APP: variants seen among roughly 807,000 people sequenced by gnomAD.
APP encodes amyloid beta precursor protein, also known as amyloid-beta precursor protein.
Under a neutral mutation model 101.4 loss-of-function variants are expected in APP, and 31 were observed. That is an observed-to-expected ratio of 0.31 (90% CI 0.23 to 0.41). The LOEUF (loss-of-function observed/expected upper bound fraction) is 0.41. Ranked by LOEUF, APP falls within the 10% of genes least tolerant of loss-of-function variation. The pLI, the probability that APP is intolerant of heterozygous loss-of-function variation, is 1.00. For synonymous variants in APP, 366 were observed against 364.4 expected, an observed-to-expected ratio of 1.00 and a Z score of -0.05; for missense variants, 839 against 1,003.7, an observed-to-expected ratio of 0.84 and a Z score of 2.22.
chr21:26,127,423 A>G (rs1350621506), intron 1 of APP, among the ~76,000 whole-genome samples: 1 of 152,236 alleles, frequency 6.6e-6, no homozygotes, highest in Admixed American at 6.5e-5. Flanking sequence ...CTCTACTGGA[A>G]TAACAAATAT....
chr21:25,893,904 G>A (rs2037857365), intron 16 of APP, among the ~76,000 whole-genome samples: 4 of 152,190 alleles, frequency 2.6e-5, no homozygotes, highest in Admixed American at 2.6e-4. Context: ...CTAGAGAGAA[G>A]TCCTGCCTTC....
At chr21:25,904,085 T>C (rs1406589441) in intron 15 of APP, among the ~76,000 whole-genome samples, 1 of 152,218 alleles carries the variant, frequency 6.6e-6, no homozygotes, top group East Asian at 1.9e-4. Flanking sequence ...TCCCTGTTCT[T>C]TGACTATCGC....
At chr21:25,906,834 ACGCGTAC>A (rs1426160444) in intron 14 of APP, among the ~76,000 whole-genome samples, 1 of 151,776 alleles carries the variant, frequency 6.6e-6, no homozygotes, top group Non-Finnish European at 1.5e-5. Context: ...ACGAGGGCAA[ACGCGTAC>A]CTTGAAGTGG....
chr21:26,035,428 C>T lies in APP; in HGVS notation c.663-13386G>A, dbSNP rs114124673. 3.1e-3 allele frequency among the ~76,000 whole-genome samples: 466 copies of T among 151,918 alleles called. 3 individuals carry two copies. The highest frequency in any genetic ancestry group is 0.01 in the African/African-American group (426 of 41,424). The stretch of plus-strand genomic sequence containing the variant: ...TGTGTGACACTGAGCAGGGGAGAGT[C>T]GGGGGAAAGAGAGGCATGGGGTGAT... On this transcript the variant is annotated intron_variant, in intron 5 of 17. Coordinates refer to ENST00000346798, the MANE Select transcript of APP (RefSeq NM_000484.4).
At chr21:25,994,625 G>A (rs2042985169) in intron 8 of APP, among the ~76,000 whole-genome samples, 1 of 152,168 alleles carries the variant, frequency 6.6e-6, no homozygotes, top group African/African-American at 2.4e-5. Flanking sequence ...TTGACTAGAA[G>A]CAGCTTAGAC....
At chr21:26,007,395 TAA>T (rs1300401194) in intron 6 of APP, among the ~76,000 whole-genome samples, 2 of 147,370 alleles carry the variant, frequency 1.4e-5, no homozygotes, top group Non-Finnish European at 3.0e-5. Flanking sequence ...ATATATTATA[TAA>T]AAACTTTATA....
At chr21:26,070,023 G>A (rs2046612106) in intron 3 of APP, among the ~76,000 whole-genome samples, 1 of 152,140 alleles carries the variant, frequency 6.6e-6, no homozygotes, top group Admixed American at 6.5e-5. Flanking sequence ...TTAGAGCAGA[G>A]GAAAAAGAAG....
intron 8 of APP, among the ~76,000 whole-genome samples, chr21:25,989,087 C>T (rs2042756145): frequency 6.6e-6 from 1 of 152,212 alleles, no homozygotes; most frequent in Admixed American, 6.5e-5. Context: ...TCCTCCATCA[C>T]TGGGGCCAAG....
rs889428688 is a variant in APP at position 26,146,162 on chromosome 21, C to T, written c.57+24402G>A. Among the ~76,000 whole-genome samples, 3 of 152,204 alleles carry T rather than the reference C, an allele frequency of 2.0e-5. No individual in the cohort carries two copies. In the East Asian group the frequency reaches 5.8e-4, roughly 29 times the overall value. On this transcript the variant is annotated intron_variant, in intron 1 of 17. Coordinates refer to ENST00000346798, the MANE Select transcript of APP (RefSeq NM_000484.4). ...CCAGCCTGGCCAACATGGTGAAACC[C>T]TGCTTCTACTAAAAATACAAAAAAT... is the stretch of plus-strand genomic sequence containing the variant.
chr21:25,976,329 C>G (rs2042222436), intron 9 of APP, among the ~76,000 whole-genome samples: 1 of 151,866 alleles, frequency 6.6e-6, no homozygotes, highest in Admixed American at 6.6e-5. Context: ...TGAACAAATA[C>G]CAACTATTCA....
chr21:25,985,745 C>T (rs140776446), intron 8 of APP, among the ~76,000 whole-genome samples: 1 of 152,226 alleles, frequency 6.6e-6, no homozygotes, highest in East Asian at 1.9e-4. Context: ...TCAAGTAAAT[C>T]TTTGTTAACA....
In APP at chr21:25,891,634, A is replaced by G; in HGVS notation, c.2211+88T>C. ...CACACTGATTCGTTTTTTAAAAGAG[A>G]TACTTAGCTAGTTCTTAGCAAAAAG... On this transcript the variant is annotated intron_variant, in intron 17 of 17. Coordinates refer to ENST00000346798, the MANE Select transcript of APP (RefSeq NM_000484.4). 3 of 1,296,796 alleles carry G rather than the reference A, an allele frequency of 2.3e-6. No individual in the cohort carries two copies. The South Asian group carries it at 3.5e-5, about 15-fold the overall frequency. 80.3% of individuals were successfully genotyped at this position (1,296,796 alleles called of 1,614,324 possible).
chr21:26,050,887 G>A lies in APP; in HGVS notation c.662+113C>T, dbSNP rs916707923. 2.2e-5 allele frequency: 28 copies of A among 1,289,396 alleles called. No homozygotes were observed. The African/African-American group carries it at 3.7e-4, about 17-fold the overall frequency. 79.9% of individuals were successfully genotyped at this position (1,289,396 alleles called of 1,614,324 possible). Reference sequence around the variant, plus strand: ...TTTTTGCATAACAGCAGACTCTGATGGGAGTGGGCAGAGACCTTTTCAGTG... The same window carrying A: ...TTTTTGCATAACAGCAGACTCTGATAGGAGTGGGCAGAGACCTTTTCAGTG... On this transcript the variant is annotated intron_variant, in intron 5 of 17. Transcript: ENST00000346798.
chr21:26,099,372 A>G (rs1451524022), intron 2 of APP, among the ~76,000 whole-genome samples: 2 of 152,220 alleles, frequency 1.3e-5, no homozygotes, highest in Non-Finnish European at 2.9e-5. Flanking sequence ...GAAAAATGTC[A>G]TAACTGAGGG....
chr21:25,904,205 C>T (rs2038663922), intron 15 of APP, among the ~76,000 whole-genome samples: 1 of 152,176 alleles, frequency 6.6e-6, no homozygotes, highest in Admixed American at 6.5e-5. Context: ...AACTTTCTTC[C>T]TCTTTTTGAT....
chr21:25,998,697 A>G (rs2043153145), intron 7 of APP, among the ~76,000 whole-genome samples: 1 of 152,194 alleles, frequency 6.6e-6, no homozygotes, highest in Non-Finnish European at 1.5e-5. Flanking sequence ...CAAAAAAGTA[A>G]TACACAGTTA....
intron 6 of APP, among the ~76,000 whole-genome samples, chr21:26,015,274 T>C (rs534163187): frequency 1.3e-5 from 2 of 152,186 alleles, no homozygotes; most frequent in South Asian, 4.1e-4. Flanking sequence ...GATATAACCA[T>C]AACTAAGAGA....
In APP at chr21:25,975,987, G is replaced by A. The variant is rs1364742714; in HGVS notation, c.1266C>T (p.Asn422=). 1 of 1,613,950 alleles carries A rather than the reference G, an allele frequency of 6.2e-7. No homozygotes were observed. The highest frequency in any genetic ancestry group is 1.7e-5 in the Admixed American group (1 of 60,024). Residue 422 remains asparagine (N), a synonymous_variant, in exon 10 of 18, where the codon AAC becomes AAT. Transcript: ENST00000346798. ...CTGCCTTCTTATCAGCTTTAGGCAAGTTCTTTGCTTGACGTTCTGCCTCTT... is the reference window on the plus strand; with the variant it reads ...CTGCCTTCTTATCAGCTTTAGGCAAATTCTTTGCTTGACGTTCTGCCTCTT... ...EWEEAERQAK[N]LPKADKKAVI...
At chr21:25,908,617 T>C (rs952024542) in intron 14 of APP, among the ~76,000 whole-genome samples, 1 of 151,482 alleles carries the variant, frequency 6.6e-6, no homozygotes, top group Non-Finnish European at 1.5e-5. Context: ...ATTTTAAGGA[T>C]ACATTGTTGA....
Sources: allele counts gnomAD v4.1 joint callset (sites outside exome capture counted in the v4.1 genomes callset), GRCh38; gene constraint gnomAD v4.1.1; transcripts MANE v1.5; gene names NCBI Gene and HGNC (gene_info 2026-07-23, HGNC 2026-07-21).